The following CAMTA1 variants were observed in gnomAD, a reference collection of about 807,000 sequenced individuals.
CAMTA1 encodes calmodulin-binding transcription activator 1.
In CAMTA1, 27 loss-of-function variants were observed where a neutral mutation model predicts 170.9. The observed-to-expected ratio is 0.16, with a 90% CI of 0.12 to 0.22. CAMTA1 has a LOEUF of 0.22. Among genes scored for constraint, CAMTA1 ranks in the 10% least tolerant of loss-of-function variants. The pLI, the probability that CAMTA1 is intolerant of heterozygous loss-of-function variation, is 1.00. For missense variants in CAMTA1, 1,619 were observed against 2,217.2 expected, an observed-to-expected ratio of 0.73 and a Z score of 5.42; for synonymous variants, 833 against 891.5, an observed-to-expected ratio of 0.93 and a Z score of 1.17.
intron 6 of CAMTA1, among the ~76,000 whole-genome samples, chr1:7,530,964 C>T (rs1269566247): frequency 1.3e-5 from 2 of 151,860 alleles, no homozygotes; most frequent in African/African-American, 4.8e-5. Flanking sequence ...TTATAGGCAT[C>T]TGCCACCATG....
Position 7,736,323 on chromosome 1 carries a change from A to T in CAMTA1, c.3067-21A>T, listed in dbSNP as rs2096772273. 1.2e-6 allele frequency: 2 copies of T among 1,610,618 alleles called. No homozygotes were observed. Among genetic ancestry groups the T allele is most frequent in the African/African-American group, 2.7e-5 (2 of 74,968 alleles). ...GAGGGCCTTTAGTCCTGAGGTCGTA[A>T]CGTGCGCTTTTTTGTGACAGTGTGC... is the stretch of plus-strand genomic sequence containing the variant. On this transcript the variant is annotated intron_variant, in intron 12 of 22. Coordinates refer to ENST00000303635, the MANE Select transcript of CAMTA1 (RefSeq NM_015215.4). This position sits in a 1 kb window ranked among gnomAD's most constrained non-coding sequence, Gnocchi z 4.5.
chr1:6,916,305 A>G (rs918711282), intron 3 of CAMTA1, among the ~76,000 whole-genome samples: 3 of 152,110 alleles, frequency 2.0e-5, no homozygotes, highest in East Asian at 3.9e-4. Flanking sequence ...GTTTTCCAAG[A>G]AAGGACACTA....
intron 3 of CAMTA1, among the ~76,000 whole-genome samples, chr1:6,884,970 A>G (rs1363191442): frequency 6.6e-6 from 1 of 152,198 alleles, no homozygotes; most frequent in Non-Finnish European, 1.5e-5. Flanking sequence ...ATGAAAGCTT[A>G]CTCATTACAT....
intron 11 of CAMTA1, among the ~76,000 whole-genome samples, chr1:7,727,474 CTG>C (rs2096698796): frequency 6.6e-6 from 1 of 152,196 alleles, no homozygotes; most frequent in Admixed American, 6.5e-5. Flanking sequence ...CAGAAATTAT[CTG>C]TTGGTCGACA....
chr1:7,197,794 G>GGTCATTTA (rs1474320765), intron 4 of CAMTA1, among the ~76,000 whole-genome samples: 2 of 152,020 alleles, frequency 1.3e-5, no homozygotes, highest in Non-Finnish European at 2.9e-5. Context: ...TCCTACCCTA[G>GGTCATTTA]GTCATTTAGC....
At chr1:7,700,811 T>C (rs781032013) in intron 11 of CAMTA1, 2 of 152,240 alleles carry the variant, frequency 1.3e-5, no homozygotes, top group African/African-American at 2.4e-5. Flanking sequence ...CCCCCAGGGA[T>C]AGCAACCAGA....
At chr1:7,676,449 C>T (rs550744907) in intron 10 of CAMTA1, among the ~76,000 whole-genome samples, 8 of 152,238 alleles carry the variant, frequency 5.3e-5, no homozygotes, top group Non-Finnish European at 5.9e-5. Context: ...GGATGGACAG[C>T]GGCCACCGGT....
Position 7,236,387 on chromosome 1 carries a change from C to A in CAMTA1, c.303-13104C>A, listed in dbSNP as rs139895437. On this transcript the variant is annotated intron_variant, in intron 4 of 22. Transcript: ENST00000303635. ...ACTACAATTTAAATCAGGCTCAGCC[C>A]GCCCTTGCTCTGTATGAAGTGTTTT... 2.7e-3 allele frequency among the ~76,000 whole-genome samples: 410 copies of A among 152,320 alleles called. 8 individuals are homozygous for A. In the East Asian group the frequency reaches 0.035, roughly 13 times the overall value.
rs536444097 is a variant in CAMTA1, at chr1:6,862,507, G to C, written c.234+37297G>C. ...GTAAAATCTGAGAGCCAGACGTCTT[G>C]AAAGAGTTTTGTTTTTTTTCTTTCA... On this transcript the variant is annotated intron_variant, in intron 3 of 22. Transcript: ENST00000303635. Among the ~76,000 whole-genome samples, 118 of 152,202 alleles carry C rather than the reference G, an allele frequency of 7.8e-4. 1 individual carries two copies. Among genetic ancestry groups the C allele is most frequent in the Non-Finnish European group, 1.1e-3 (73 of 68,038 alleles).
chr1:6,840,153 C>T (rs948148891), intron 3 of CAMTA1, among the ~76,000 whole-genome samples: 3 of 151,948 alleles, frequency 2.0e-5, no homozygotes, highest in East Asian at 3.9e-4. Context: ...GAGTCGAGAT[C>T]GTGCCATTGC....
intron 5 of CAMTA1, among the ~76,000 whole-genome samples, chr1:7,287,915 T>C (rs1672576992): frequency 6.6e-6 from 1 of 152,198 alleles, no homozygotes; most frequent in South Asian, 2.1e-4. Flanking sequence ...TTCATTTCAT[T>C]GGCCAGAACT....
At chr1:7,105,952 G>A (rs1573092435) in intron 4 of CAMTA1, among the ~76,000 whole-genome samples, 1 of 149,370 alleles carries the variant, frequency 6.7e-6, no homozygotes, top group South Asian at 2.1e-4. Flanking sequence ...AAAAAAAAAA[G>A]GGTTTCCCCA....
At chr1:7,393,628 A>G (rs1413667120) in intron 5 of CAMTA1, among the ~76,000 whole-genome samples, 1 of 152,144 alleles carries the variant, frequency 6.6e-6, no homozygotes, top group Non-Finnish European at 1.5e-5. Context: ...GTTTTGACAC[A>G]TGTATACATT....
intron 3 of CAMTA1, among the ~76,000 whole-genome samples, chr1:7,017,417 T>G (rs947326714): frequency 1.3e-5 from 2 of 152,266 alleles, no homozygotes; most frequent in Non-Finnish European, 2.9e-5. Flanking sequence ...CAAGGAGGAT[T>G]TGCTAATGAA....
Position 7,664,320 on chromosome 1 carries a change from C to A in CAMTA1, c.1773C>A (p.Ser591=). The A allele has an allele frequency of 1.9e-6, 3 of 1,613,468 alleles. No individual in the cohort carries two copies. Among genetic ancestry groups the A allele is most frequent in the Non-Finnish European group, 2.5e-6 (3 of 1,180,022 alleles). ...LEQMDFSAID[S]NKDYTSSFSQ... ...AGATGGACTTCAGCGCCATCGACTC[C>A]AACAAGGACTACACGTCCAGCTTCA... The change falls in exon 9 of 23, where the codon TCC becomes TCA. Residue 591 remains serine, a synonymous_variant. Transcript: ENST00000303635.
At chr1:6,788,533 G>T (rs1640089591) in intron 1 of CAMTA1, among the ~76,000 whole-genome samples, 1 of 152,160 alleles carries the variant, frequency 6.6e-6, no homozygotes, top group Non-Finnish European at 1.5e-5. Flanking sequence ...TATGCTGTTC[G>T]TATTCTGTGT....
chr1:7,200,278 G>A (rs1306951887), intron 4 of CAMTA1, among the ~76,000 whole-genome samples: 1 of 152,100 alleles, frequency 6.6e-6, no homozygotes, highest in African/African-American at 2.4e-5. Context: ...ATATTTCACT[G>A]TGTGTTTAAG....
intron 5 of CAMTA1, among the ~76,000 whole-genome samples, chr1:7,382,208 A>T (rs567252492): frequency 6.6e-6 from 1 of 152,352 alleles, no homozygotes; most frequent in African/African-American, 2.4e-5. Flanking sequence ...CCACATGCCC[A>T]GCTAAATTTG....
At chr1:7,568,393 ACCAT>A (rs1450137634) in intron 6 of CAMTA1, among the ~76,000 whole-genome samples, 3 of 149,296 alleles carry the variant, frequency 2.0e-5, no homozygotes, top group Non-Finnish European at 4.4e-5. Flanking sequence ...CATCACCACC[ACCAT>A]CCATCATCAA....
Sources: allele counts gnomAD v4.1 joint callset (sites outside exome capture counted in the v4.1 genomes callset), GRCh38; gene constraint gnomAD v4.1.1; non-coding constraint Gnocchi (gnomAD v3.1); transcripts MANE v1.5; gene names NCBI Gene and HGNC (gene_info 2026-07-23, HGNC 2026-07-21).